WDR64: variants seen among roughly 807,000 people sequenced by gnomAD.
WDR64 encodes the protein WD repeat domain 64, also known as WD repeat-containing protein 64.
A neutral mutation model predicts 139.3 loss-of-function variants in WDR64; 112 were observed. That is an observed-to-expected ratio of 0.80 (90% CI 0.69 to 0.94). The LOEUF is 0.94. Among genes scored for constraint, WDR64 ranks in the 40% least tolerant of loss-of-function variants. The pLI is 0.00. For synonymous variants in WDR64, 444 were observed against 437.7 expected (o/e 1.01, Z -0.18); for missense variants, 1,206 against 1,293.1 (o/e 0.93, Z 1.03).
Position 241,687,530 on chromosome 1 carries a change from A to T in WDR64, c.909A>T (p.Gly303=). The change falls in exon 8 of 28, where the codon GGA becomes GGT. Residue 303 remains glycine, a synonymous_variant. Transcript: ENST00000437684. ...ATATTTCAGCCCTAAATTGTTTTGG[A>T]TCCTGCTCCTTAGACAGTAATCATT... ...IRYISALNCF[G]SCSLDSNHSL... is the part of the protein sequence containing the mutation. The T allele has an allele frequency of 6.2e-7, 1 of 1,613,852 alleles. No homozygotes were observed. The highest frequency in any genetic ancestry group is 8.5e-7 in the Non-Finnish European group (1 of 1,179,860).
intron 25 of WDR64, among the ~76,000 whole-genome samples, chr1:241,791,472 G>A (rs1659213161): frequency 6.6e-6 from 1 of 152,142 alleles, no homozygotes; most frequent in South Asian, 2.1e-4. Context: ...TTCAAGACCA[G>A]TCTAGGCAAC....
At chr1:241,675,168 C>T (rs1666481629) in intron 4 of WDR64, among the ~76,000 whole-genome samples, 2 of 27,646 alleles carry the variant, frequency 7.2e-5, no homozygotes, top group African/African-American at 1.5e-4. Context: ...CCCTACCTCC[C>T]ACCCTCCTTC....
At chr1:241,681,712 G>GGT (rs1411925960) in intron 6 of WDR64, among the ~76,000 whole-genome samples, 2 of 152,154 alleles carry the variant, frequency 1.3e-5, no homozygotes, top group African/African-American at 4.8e-5. Context: ...GTTTTCCACA[G>GGT]TGGTTGTACT....
rs76666061 is a variant in WDR64, at chr1:241,731,545, G to A, written c.1195-6818G>A. Among the ~76,000 whole-genome samples, 1,385 of 152,282 alleles carry A rather than the reference G, an allele frequency of 9.1e-3. 11 individuals carry two copies. Among genetic ancestry groups the A allele is most frequent in the Middle Eastern group, 0.017 (5 of 294 alleles). On this transcript the variant is annotated intron_variant, in intron 10 of 27. Coordinates refer to ENST00000437684, the MANE Select transcript of WDR64 (RefSeq NM_001367482.1). ...GCCCAAGTGCACACAGTTATTGGAC[G>A]TGAATCAGGATTCAACTGAGATAGT...
At chr1:241,745,595 GTACA>G (rs1423317408) in intron 13 of WDR64, among the ~76,000 whole-genome samples, 2 of 145,562 alleles carry the variant, frequency 1.4e-5, no homozygotes, top group Non-Finnish European at 2.9e-5. Flanking sequence ...CTCCTCAAAG[GTACA>G]TACGTTAAAT....
intron 2 of WDR64, among the ~76,000 whole-genome samples, chr1:241,667,791 A>ACT (rs1666076206): frequency 6.6e-6 from 1 of 152,244 alleles, no homozygotes; most frequent in South Asian, 2.1e-4. Flanking sequence ...CCTTCATATT[A>ACT]GGAAAATGAG....
chr1:241,665,646 T>A (rs1666000081), intron 2 of WDR64, among the ~76,000 whole-genome samples: 1 of 152,176 alleles, frequency 6.6e-6, no homozygotes, highest in Non-Finnish European at 1.5e-5. Flanking sequence ...GCTCCTTCAA[T>A]TTATAATGAA....
chr1:241,736,589 C>T (rs1293494447), intron 10 of WDR64, among the ~76,000 whole-genome samples: 2 of 151,984 alleles, frequency 1.3e-5, no homozygotes, highest in Non-Finnish European at 2.9e-5. Context: ...GGGAGAGGGG[C>T]AGCAAAAAAC....
chr1:241,696,236 T>C (rs1574016515), intron 8 of WDR64, among the ~76,000 whole-genome samples: 2 of 151,420 alleles, frequency 1.3e-5, no homozygotes, highest in African/African-American at 4.8e-5. Context: ...TTCCTTTCTC[T>C]GACCTCCTCT....
intron 9 of WDR64, among the ~76,000 whole-genome samples, chr1:241,712,212 C>T (rs370127950): frequency 3.9e-5 from 6 of 152,174 alleles, no homozygotes; most frequent in African/African-American, 1.4e-4. Flanking sequence ...ACCTGGAGCC[C>T]CCGGCACTTA....
chr1:241,725,085 T>G (rs1668749223), intron 10 of WDR64, among the ~76,000 whole-genome samples: 1 of 152,084 alleles, frequency 6.6e-6, no homozygotes, highest in Non-Finnish European at 1.5e-5. Flanking sequence ...AAAATATCCT[T>G]GAACAAATAC....
Position 241,679,535 on chromosome 1 carries a change from C to T in WDR64, c.564C>T (p.Ile188=), listed in dbSNP as rs538951457. 66 of 1,551,410 alleles carry T rather than the reference C, an allele frequency of 4.3e-5. No homozygotes were observed. Among genetic ancestry groups the T allele is most frequent in the Non-Finnish European group, 5.6e-5 (64 of 1,146,892 alleles). The change falls in exon 6 of 28, where the codon ATC becomes ATT. Residue 188 remains isoleucine, a synonymous_variant. Coordinates refer to ENST00000437684, the MANE Select transcript of WDR64 (RefSeq NM_001367482.1). ...GCDYLLQLKR[I]VATTERTIIV... is the part of the protein sequence containing the mutation. ...ATTACCTCTTGCAGCTGAAACGAAT[C>T]GTAGCCACAACCGAAAGGACCATTA...
chr1:241,701,866 G>C (rs1157637682), intron 8 of WDR64, among the ~76,000 whole-genome samples: 2 of 152,202 alleles, frequency 1.3e-5, no homozygotes, highest in Non-Finnish European at 2.9e-5. Context: ...TTCTATTTTT[G>C]TAATTTCCTA....
intron 25 of WDR64, among the ~76,000 whole-genome samples, chr1:241,791,228 G>A (rs1401182615): frequency 6.6e-6 from 1 of 152,148 alleles, no homozygotes; most frequent in Admixed American, 6.5e-5. Context: ...AGGGGTTGCA[G>A]TGAGCTGAGA....
intron 24 of WDR64, among the ~76,000 whole-genome samples, chr1:241,788,666 A>G (rs1659126450): frequency 6.6e-6 from 1 of 152,206 alleles, no homozygotes; most frequent in South Asian, 2.1e-4. Flanking sequence ...AATTCAAAAG[A>G]TGGTAGAAGG....
chr1:241,741,804 C>T, intron 12 of WDR64, 140 bp downstream of exon 12: 3 of 958,954 alleles, frequency 3.1e-6, no homozygotes, highest in East Asian at 3.0e-5. Flanking sequence ...TTTTAAGCTT[C>T]CATGAGTACG....
At chr1:241,790,460 T>C in intron 24 of WDR64, 131 bp from the exon 25 acceptor site, 1 of 688,552 alleles carries the variant, frequency 1.5e-6, no homozygotes, top group Non-Finnish European at 2.4e-6. Context: ...AGTGTAGAGA[T>C]ACTGTCATTG....
intron 24 of WDR64, among the ~76,000 whole-genome samples, chr1:241,788,441 A>G (rs1370765176): frequency 3.9e-5 from 6 of 152,190 alleles, no homozygotes; most frequent in Non-Finnish European, 7.3e-5. Context: ...TGAGTTTTCA[A>G]TATCAGTGCA....
At chr1:241,708,699 T>G (rs142571817) in intron 8 of WDR64, among the ~76,000 whole-genome samples, 1,048 of 59,786 alleles carry the variant, frequency 0.018, 27 homozygotes, top group African/African-American at 0.075. Context: ...ATGGTTTTTT[T>G]TTTTGTTTTT....
Sources: gnomAD v4.1 joint callset for allele counts (sites outside exome capture counted in the v4.1 genomes callset) on GRCh38, gnomAD v4.1.1 for gene constraint, MANE v1.5 for transcripts, NCBI Gene and HGNC (gene_info 2026-07-23, HGNC 2026-07-21) for gene names.